The following TLL1 variants were observed in gnomAD, a reference collection of about 807,000 sequenced individuals.
TLL1 encodes tolloid-like protein 1.
A neutral mutation model predicts 128.2 loss-of-function variants in TLL1; 49 were observed. The observed-to-expected ratio is 0.38, with a 90% CI of 0.30 to 0.48. TLL1 has a LOEUF of 0.48. Ranked by LOEUF, TLL1 falls within the 20% of genes least tolerant of loss-of-function variation. TLL1 has a pLI of 0.96. For synonymous variants in TLL1, 454 were observed against 418.8 expected (o/e 1.08, Z -1.03); for missense variants, 1,123 against 1,242.0 (o/e 0.90, Z 1.44).
intron 1 of TLL1, among the ~76,000 whole-genome samples, chr4:165,945,065 A>G (rs1225292035): frequency 1.3e-5 from 2 of 152,172 alleles, no homozygotes; most frequent in African/African-American, 4.8e-5. Flanking sequence ...TGAGAAATTC[A>G]GACATTTAGG....
chr4:166,027,130 A>G (rs1437854891), intron 9 of TLL1, among the ~76,000 whole-genome samples: 1 of 152,160 alleles, frequency 6.6e-6, no homozygotes, highest in Non-Finnish European at 1.5e-5. Flanking sequence ...AAGTGAATCA[A>G]TGCAGGGACA....
intron 17 of TLL1, among the ~76,000 whole-genome samples, chr4:166,077,513 A>T (rs567861814): frequency 6.6e-6 from 1 of 152,302 alleles, no homozygotes; most frequent in East Asian, 1.9e-4. Context: ...ATAGGAAAAA[A>T]ATTGAAAATG....
In TLL1 at chr4:165,899,144, A is replaced by G. The variant is rs1180307715; in HGVS notation, c.169+25071A>G. Among the ~76,000 whole-genome samples the G allele has an allele frequency of 2.0e-5, 3 of 147,472 alleles. No homozygotes were observed. In the South Asian group the frequency reaches 6.8e-4, roughly 33 times the overall value. On this transcript the variant is annotated intron_variant, in intron 1 of 20. Coordinates refer to ENST00000061240, the MANE Select transcript of TLL1 (RefSeq NM_012464.5). Reference sequence around the variant, plus strand: ...CTTTTGTCTGGCTAGTGGTCTATCTATTTTGTTAATCTTTTCAAACAACCA... The same window carrying G: ...CTTTTGTCTGGCTAGTGGTCTATCTGTTTTGTTAATCTTTTCAAACAACCA...
At chr4:165,958,532 T>C (rs1289063921) in intron 1 of TLL1, among the ~76,000 whole-genome samples, 17 of 150,130 alleles carry the variant, frequency 1.1e-4, no homozygotes, top group African/African-American at 4.0e-4. Flanking sequence ...TCTGTTCATA[T>C]CCTTTGCCCA....
intron 17 of TLL1, among the ~76,000 whole-genome samples, chr4:166,077,697 A>T (rs1293566461): frequency 6.6e-6 from 1 of 152,192 alleles, no homozygotes; most frequent in African/African-American, 2.4e-5. Context: ...ACTTAATTTC[A>T]TGTGAGGCAG....
chr4:165,934,555 T>G (rs1733680997), intron 1 of TLL1, among the ~76,000 whole-genome samples: 1 of 152,036 alleles, frequency 6.6e-6, no homozygotes, highest in Non-Finnish European at 1.5e-5. Flanking sequence ...AGACCTGACA[T>G]CCCCCTTTAG....
intron 18 of TLL1, among the ~76,000 whole-genome samples, chr4:166,086,632 G>A (rs1221510344): frequency 6.6e-6 from 1 of 152,094 alleles, no homozygotes; most frequent in Non-Finnish European, 1.5e-5. Flanking sequence ...GATCCCCAAA[G>A]TGTCCCAAGA....
intron 12 of TLL1, 72 bp from the exon 13 acceptor site, chr4:166,055,004 A>C (rs1316329281): frequency 7.9e-7 from 1 of 1,265,100 alleles, no homozygotes; most frequent in Non-Finnish European, 1.1e-6. Flanking sequence ...TGGCACTGAG[A>C]AGACATCTAT....
intron 1 of TLL1, chr4:165,919,810 A>G: frequency 2.2e-6 from 1 of 456,130 alleles, no homozygotes; most frequent in Non-Finnish European, 4.4e-6. Context: ...ACTCTGGGAT[A>G]CTACTGTGCT....
At chr4:165,966,647 C>A (rs577428636) in intron 1 of TLL1, among the ~76,000 whole-genome samples, 1 of 152,216 alleles carries the variant, frequency 6.6e-6, no homozygotes, top group South Asian at 2.1e-4. Flanking sequence ...GGGGAGACAT[C>A]ACATGTCGGC....
intron 1 of TLL1, among the ~76,000 whole-genome samples, chr4:165,978,342 A>G (rs1429837215): frequency 2.0e-5 from 3 of 151,878 alleles, no homozygotes; most frequent in African/African-American, 7.2e-5. Context: ...ATTAATTATA[A>G]TTTTATATAG....
intron 11 of TLL1, 152 bp downstream of exon 11, chr4:166,042,295 A>G: frequency 6.6e-6 from 4 of 606,744 alleles, no homozygotes; most frequent in Non-Finnish European, 1.2e-5. Context: ...TAATTTTAAC[A>G]GTAAATTTAA....
At chr4:165,916,031 T>C (rs1001954978) in intron 1 of TLL1, among the ~76,000 whole-genome samples, 19 of 152,322 alleles carry the variant, frequency 1.2e-4, no homozygotes, top group African/African-American at 4.6e-4. Flanking sequence ...CTTTGAGAAG[T>C]TGGCCTTGTT....
At chr4:166,000,692 T>C (rs1182583161) in intron 5 of TLL1, among the ~76,000 whole-genome samples, 1 of 152,188 alleles carries the variant, frequency 6.6e-6, no homozygotes, top group Non-Finnish European at 1.5e-5. Flanking sequence ...ATATTTTAGT[T>C]TAAATATCTC....
rs188731645 is a variant in TLL1 at position 165,936,368 on chromosome 4, C to T, written c.170-53013C>T. Among the ~76,000 whole-genome samples the T allele has an allele frequency of 5.6e-3, 843 of 151,234 alleles. 8 individuals are homozygous for T. Among genetic ancestry groups the T allele is most frequent in the African/African-American group, 0.016 (677 of 41,380 alleles). On this transcript the variant is annotated intron_variant, in intron 1 of 20. Transcript: ENST00000061240. ...CCAAGTAGCTGGAATTACAGGCATG[C>T]GCCACCATGTCTGGCTAATTTTTAA...
At chr4:165,916,533 G>A (rs1732783793) in intron 1 of TLL1, among the ~76,000 whole-genome samples, 1 of 152,146 alleles carries the variant, frequency 6.6e-6, no homozygotes, top group African/African-American at 2.4e-5. Context: ...ATATAAGGTG[G>A]ATACCCAATA....
chr4:165,911,376 C>A (rs114633151), intron 1 of TLL1, among the ~76,000 whole-genome samples: 2,701 of 152,242 alleles, frequency 0.018, 79 homozygotes, highest in African/African-American at 0.061. Flanking sequence ...TGATTTCATT[C>A]TTTTTTATGG....
At chr4:165,876,226 GGCTCAATACAGGCAA>G (rs1730716268) in intron 1 of TLL1, among the ~76,000 whole-genome samples, 1 of 152,070 alleles carries the variant, frequency 6.6e-6, no homozygotes, top group Admixed American at 6.5e-5. Flanking sequence ...TTACCATCTT[GGCTCAATACAGGCAA>G]AATTTTAGTG....
chr4:165,905,846 C>T (rs755631564), intron 1 of TLL1, among the ~76,000 whole-genome samples: 22 of 152,248 alleles, frequency 1.4e-4, no homozygotes, highest in East Asian at 1.9e-4. Context: ...TTTTGAAAAG[C>T]GTCATCGGTT....
Sources: gnomAD v4.1 joint callset for allele counts (sites outside exome capture counted in the v4.1 genomes callset) on GRCh38, gnomAD v4.1.1 for gene constraint, MANE v1.5 for transcripts, NCBI Gene and HGNC (gene_info 2026-07-23, HGNC 2026-07-21) for gene names.